The following CTBP1 variants were observed in gnomAD, a reference collection of about 807,000 sequenced individuals.
CTBP1 encodes C-terminal-binding protein 1.
In CTBP1, 11 loss-of-function variants were observed where a neutral mutation model predicts 42.1. That is an observed-to-expected ratio of 0.26 (90% CI 0.16 to 0.43). The LOEUF is 0.43. CTBP1 is among the 20% of genes least tolerant of loss of function. The probability of loss-of-function intolerance (pLI) is 1.00; values close to 1 mark genes in which losing one functional copy is unlikely to be tolerated. For synonymous variants in CTBP1, 324 were observed against 277.1 expected, an observed-to-expected ratio of 1.17 and a Z score of -1.68; for missense variants, 399 against 624.3, an observed-to-expected ratio of 0.64 and a Z score of 3.85.
intron 1 of CTBP1, chr4:1,241,948 G>A (rs975871740): frequency 4.8e-5 from 49 of 1,025,848 alleles, no homozygotes; most frequent in South Asian, 4.1e-4. Context: ...ACTGATTCCC[G>A]GGCCTCTGTG....
At chr4:1,244,733 C>T (rs1680041) in intron 1 of CTBP1, 351,479 of 985,250 alleles carry the variant, frequency 0.36, 65,028 homozygotes, top group Middle Eastern at 0.44. Context: ...CTGATTACTC[C>T]GGGCTCGAGT....
At chr4:1,222,158 G>A (rs965168668) in intron 5 of CTBP1, among the ~76,000 whole-genome samples, 5 of 152,202 alleles carry the variant, frequency 3.3e-5, no homozygotes, top group African/African-American at 1.2e-4. Flanking sequence ...CCTGGAGCAT[G>A]AGGCTCTTCC....
At chr4:1,231,945 C>T (rs545580694) in intron 3 of CTBP1, among the ~76,000 whole-genome samples, 6 of 152,392 alleles carry the variant, frequency 3.9e-5, no homozygotes, top group East Asian at 3.9e-4. Context: ...AGGAGGCGCA[C>T]CCCGGTTCTC....
intron 1 of CTBP1, chr4:1,243,542 C>T (rs774384487): frequency 4.1e-6 from 4 of 985,400 alleles, no homozygotes; most frequent in African/African-American, 1.7e-5. Flanking sequence ...TAGGTCTGCC[C>T]ACCATCTGCA....
At chr4:1,222,938 C>G (rs1445221663) in intron 5 of CTBP1, among the ~76,000 whole-genome samples, 5 of 152,144 alleles carry the variant, frequency 3.3e-5, no homozygotes, top group Non-Finnish European at 7.4e-5. Context: ...AGCCCATACC[C>G]CCCCCACATC....
intron 1 of CTBP1, among the ~76,000 whole-genome samples, chr4:1,246,879 G>A (rs1019934600): frequency 2.0e-5 from 3 of 152,242 alleles, no homozygotes; most frequent in Non-Finnish European, 4.4e-5. Context: ...AACAGTTGCT[G>A]TCTGCTTACA....
rs542125926 is a variant in CTBP1, at chr4:1,233,741, G to C, written c.162+4442C>G. ...CCCCGACATTCTTCCCGCTCCTCCT[G>C]TGACCGCACTGACGGTATCACGTTC... On this transcript the variant is annotated intron_variant, in intron 3 of 9. Coordinates refer to ENST00000382952, the MANE Select transcript of CTBP1 (RefSeq NM_001012614.2). This position sits in a 1 kb window ranked among gnomAD's most constrained non-coding sequence, Gnocchi z 4.6. Among the ~76,000 whole-genome samples, 1 of 152,292 alleles carries C rather than the reference G, an allele frequency of 6.6e-6. No individual in the cohort carries two copies. Among genetic ancestry groups the C allele is most frequent in the Non-Finnish European group, 1.5e-5 (1 of 68,022 alleles).
chr4:1,237,884 C>T (rs532828624), intron 3 of CTBP1: 161 of 699,550 alleles, frequency 2.3e-4, no homozygotes, highest in African/African-American at 2.2e-3. Flanking sequence ...CAGGGCAAAC[C>T]GAATGTCCAC....
At chr4:1,216,689 C>A in intron 5 of CTBP1, 1 of 205,042 alleles carries the variant, frequency 4.9e-6, no homozygotes, top group South Asian at 7.9e-5. Context: ...CAGGGAGGCC[C>A]CGCTGGGCTC....
chr4:1,226,823 C>T (rs568299260), intron 4 of CTBP1, among the ~76,000 whole-genome samples: 1 of 151,628 alleles, frequency 6.6e-6, no homozygotes, highest in South Asian at 2.1e-4. Flanking sequence ...GGCCCATGGG[C>T]GCCGGCGGAA....
chr4:1,211,972 A>C lies in CTBP1; in HGVS notation c.*268T>G, dbSNP rs1332418934. 2.9e-6 allele frequency: 1 copy of C among 345,312 alleles called. No homozygotes were observed. Among genetic ancestry groups the C allele is most frequent in the Non-Finnish European group, 5.2e-6 (1 of 192,940 alleles). 21.4% of individuals were successfully genotyped at this position (345,312 alleles called of 1,614,324 possible). ...AAACAGATCCTTTGTAATGTTCTAAAAACTGTACACAGACAAGAACGTTCA... is the reference window on the plus strand; with the variant it reads ...AAACAGATCCTTTGTAATGTTCTAACAACTGTACACAGACAAGAACGTTCA... On this transcript the variant is annotated 3_prime_UTR_variant, in exon 10 of 10. Transcript: ENST00000382952.
chr4:1,244,100 TG>T (rs1263351610), intron 1 of CTBP1: 2 of 985,202 alleles, frequency 2.0e-6, no homozygotes, highest in Non-Finnish European at 2.4e-6. Context: ...CCCGGGGGGC[TG>T]CACGGTGGCG....
At chr4:1,214,802 C>T (rs574021230) in intron 6 of CTBP1, among the ~76,000 whole-genome samples, 1 of 152,364 alleles carries the variant, frequency 6.6e-6, no homozygotes, top group African/African-American at 2.4e-5. Flanking sequence ...TGGGTCCCCT[C>T]CAGCCCAGCC....
rs1263377377 is a variant in CTBP1, at chr4:1,238,610, C to T, written c.8-273G>A. Reference sequence around the variant, plus strand: ...CCTCCGAGACCCTCCAAGTCCCCTCCGAGACCCTCCAAGGCCCCTCCGAGA... The same window carrying T: ...CCTCCGAGACCCTCCAAGTCCCCTCTGAGACCCTCCAAGGCCCCTCCGAGA... On this transcript the variant is annotated intron_variant, in intron 2 of 9. Transcript: ENST00000382952. The surrounding 1 kb of genome is among the most constrained non-coding windows in gnomAD (Gnocchi z 5.9). 3.3e-5 allele frequency among the ~76,000 whole-genome samples: 5 copies of T among 151,740 alleles called. No homozygotes were observed. Among genetic ancestry groups the T allele is most frequent in the South Asian group, 2.1e-4 (1 of 4,724 alleles).
chr4:1,223,898 T>C lies in CTBP1; in HGVS notation c.514+1462A>G, dbSNP rs555934902. 3.0e-4 allele frequency among the ~76,000 whole-genome samples: 45 copies of C among 152,320 alleles called. 1 individual carries two copies. The South Asian group carries it at 9.3e-3, about 32-fold the overall frequency. ...TGGCTGTGTGGGGCCGGTTCACCGC[T>C]GCATGCCGGACCCAGGACAGTGCTG... On this transcript the variant is annotated intron_variant, in intron 5 of 9. Transcript: ENST00000382952.
rs954427471 is a variant in CTBP1 at position 1,238,445 on chromosome 4, G to A, written c.8-108C>T. The A allele has an allele frequency of 4.6e-6, 6 of 1,316,666 alleles. No individual in the cohort carries two copies. In the South Asian group the frequency reaches 6.1e-5, roughly 13 times the overall value. The allele number at this position is 1,316,666 out of a possible 1,614,324, so 81.6% of individuals were successfully genotyped here. ...GGCCAACGAGGGCCGACCGCCGGGG[G>A]TTTTCTGGTCTATATGTTGTGATAT... On this transcript the variant is annotated intron_variant, in intron 2 of 9. Coordinates refer to ENST00000382952, the MANE Select transcript of CTBP1 (RefSeq NM_001012614.2). The surrounding 1 kb of genome is among the most constrained non-coding windows in gnomAD (Gnocchi z 5.9).
Position 1,221,698 on chromosome 4 carries a change from G to T in CTBP1, c.514+3662C>A, listed in dbSNP as rs1260971261. 5 of 339,320 alleles carry T rather than the reference G, an allele frequency of 1.5e-5. No individual in the cohort carries two copies. The East Asian group carries it at 4.9e-4, about 33-fold the overall frequency. 21.0% of individuals were successfully genotyped at this position (339,320 alleles called of 1,614,324 possible). On this transcript the variant is annotated intron_variant, in intron 5 of 9. Coordinates refer to ENST00000382952, the MANE Select transcript of CTBP1 (RefSeq NM_001012614.2). ...GGGAAGGCCCTCTGCTCTAGGAAGC[G>T]GGACCCGGGTCCTCGCAGGGTCGTC...
At position 1,238,383 on chromosome 4, in the gene CTBP1, G is replaced by A. The variant is rs773609508; in HGVS notation, c.8-46C>T. On this transcript the variant is annotated intron_variant, in intron 2 of 9. Transcript: ENST00000382952. This position sits in a 1 kb window ranked among gnomAD's most constrained non-coding sequence, Gnocchi z 5.9. The stretch of plus-strand genomic sequence containing the variant: ...CTCAGCCTTGCACCACTGCGGCCCC[G>A]TGGCTACAACCCACTCCACGCCACC... The A allele has an allele frequency of 2.9e-5, 44 of 1,509,522 alleles. No individual in the cohort carries two copies. Among genetic ancestry groups the A allele is most frequent in the African/African-American group, 1.3e-4 (9 of 71,986 alleles). 93.5% of individuals were successfully genotyped at this position (1,509,522 alleles called of 1,614,324 possible).
chr4:1,227,688 G>A (rs977641002), intron 4 of CTBP1, among the ~76,000 whole-genome samples: 2 of 151,080 alleles, frequency 1.3e-5, no homozygotes, highest in Non-Finnish European at 2.9e-5. Context: ...CATGTGCTGA[G>A]TGCACATGCA....
Sources: gnomAD v4.1 joint callset for allele counts (sites outside exome capture counted in the v4.1 genomes callset) on GRCh38, gnomAD v4.1.1 for gene constraint, Gnocchi (gnomAD v3.1) non-coding constraint, MANE v1.5 for transcripts, NCBI Gene and HGNC (gene_info 2026-07-23, HGNC 2026-07-21) for gene names.